The following KIAA1549L variants were observed in gnomAD, a reference collection of about 807,000 sequenced individuals.
The protein encoded by KIAA1549L is KIAA1549 like.
A neutral mutation model predicts 160.7 loss-of-function variants in KIAA1549L; 88 were observed. That is an observed-to-expected ratio of 0.55 (90% CI 0.46 to 0.65). The LOEUF is 0.65. Ranked by LOEUF, KIAA1549L falls within the 30% of genes least tolerant of loss-of-function variation. The probability of loss-of-function intolerance (pLI) is 0.00; values close to 1 mark genes in which losing one functional copy is unlikely to be tolerated. For synonymous variants in KIAA1549L, 950 were observed against 976.7 expected, an observed-to-expected ratio of 0.97 and a Z score of 0.51; for missense variants, 2,258 against 2,437.5, an observed-to-expected ratio of 0.93 and a Z score of 1.55.
intron 10 of KIAA1549L, among the ~76,000 whole-genome samples, chr11:33,580,400 C>T (rs1196297207): frequency 6.6e-6 from 1 of 151,682 alleles, no homozygotes; most frequent in African/African-American, 2.4e-5. Context: ...ACGGAGAAAC[C>T]CCGTCTCTAC....
At chr11:33,551,621 A>G (rs7479704) in intron 5 of KIAA1549L, among the ~76,000 whole-genome samples, 103,514 of 151,842 alleles carry the variant, frequency 0.68, 36,007 homozygotes, top group African/African-American at 0.83. Context: ...GATTCCAGAT[A>G]CCACTGAATG....
intron 18 of KIAA1549L, 64 bp downstream of exon 18, chr11:33,656,173 G>A: frequency 1.6e-6 from 2 of 1,272,104 alleles, no homozygotes; most frequent in Non-Finnish European, 2.3e-6. Context: ...TATGTACCCT[G>A]ACCTGACAAC....
intron 1 of KIAA1549L, among the ~76,000 whole-genome samples, chr11:33,446,217 C>T (rs1009130822): frequency 6.6e-6 from 1 of 151,832 alleles, no homozygotes; most frequent in Non-Finnish European, 1.5e-5. Flanking sequence ...GCCTCAGCCT[C>T]CAGAGTAGCT....
chr11:33,434,855 A>G (rs1851323398), intron 1 of KIAA1549L, among the ~76,000 whole-genome samples: 1 of 152,166 alleles, frequency 6.6e-6, no homozygotes. Context: ...AGTTCCCTGA[A>G]TTTTAGTTAA....
At chr11:33,613,650 C>T (rs1244853554) in intron 15 of KIAA1549L, among the ~76,000 whole-genome samples, 1 of 152,150 alleles carries the variant, frequency 6.6e-6, no homozygotes, top group Admixed American at 6.5e-5. Flanking sequence ...CCCCCATGAT[C>T]CAGTCACCTC....
At position 33,507,078 on chromosome 11, in the gene KIAA1549L, A is replaced by G. The variant is rs1853108614; in HGVS notation, c.239-34724A>G. 2.6e-5 allele frequency among the ~76,000 whole-genome samples: 4 copies of G among 152,296 alleles called. No homozygotes were observed. The South Asian group carries it at 8.3e-4, about 32-fold the overall frequency. On this transcript the variant is annotated intron_variant, in intron 1 of 20. Transcript: ENST00000658780. ...CCAAATTGCTGGTAACCTAAATGGGAACCAGCAAGGTGTAGCAGAAGGAAC... is the reference window on the plus strand; with the variant it reads ...CCAAATTGCTGGTAACCTAAATGGGGACCAGCAAGGTGTAGCAGAAGGAAC...
chr11:33,474,972 G>A (rs1302669747), intron 1 of KIAA1549L, among the ~76,000 whole-genome samples: 1 of 152,220 alleles, frequency 6.6e-6, no homozygotes, highest in Non-Finnish European at 1.5e-5. Flanking sequence ...CAAGGGAATT[G>A]AAAGCCTTGC....
At position 33,542,621 on chromosome 11, in the gene KIAA1549L, A is replaced by G. The variant is rs188597493; in HGVS notation, c.1058A>G (p.His353Arg). The change falls in exon 2 of 21, where the codon CAT (histidine) becomes CGT (arginine). Residue 353 changes from histidine to arginine, a missense_variant. By Grantham distance (29) the His-to-Arg change is conservative (BLOSUM62 0). Coordinates refer to ENST00000658780, the MANE Select transcript of KIAA1549L (RefSeq NM_012194.3). ...TTGAGCCCCATGGCAGAACTGTCCC[A>G]TCCGTCTCCCCCTCCCCCAGCACTT... ...GFLSPMAELS[H>R]PSPPPPALGS... The G allele has an allele frequency of 5.9e-4, 946 of 1,613,876 alleles. 16 individuals are homozygous for G. The East Asian group carries it at 0.016, about 28-fold the overall frequency.
chr11:33,507,511 TG>T (rs1348741743), intron 1 of KIAA1549L, among the ~76,000 whole-genome samples: 2 of 152,190 alleles, frequency 1.3e-5, no homozygotes, highest in African/African-American at 4.8e-5. Flanking sequence ...ACAATGGAAT[TG>T]GAAAGTCCTG....
intron 2 of KIAA1549L, 105 bp from the exon 3 acceptor site, chr11:33,544,660 CAG>C: frequency 7.1e-7 from 1 of 1,416,428 alleles, no homozygotes; most frequent in Non-Finnish European, 9.4e-7. Context: ...GCCCAGATTG[CAG>C]AGACTTCACC....
intron 1 of KIAA1549L, among the ~76,000 whole-genome samples, chr11:33,512,382 A>C (rs544316214): frequency 6.6e-6 from 1 of 152,354 alleles, no homozygotes; most frequent in African/African-American, 2.4e-5. Context: ...GGCAGTAATT[A>C]ATAAATACAC....
chr11:33,526,791 C>A (rs1258671252), intron 1 of KIAA1549L, among the ~76,000 whole-genome samples: 2 of 152,116 alleles, frequency 1.3e-5, no homozygotes, highest in African/African-American at 4.8e-5. Flanking sequence ...AGCAATGGAT[C>A]CAAACCAATA....
intron 1 of KIAA1549L, among the ~76,000 whole-genome samples, chr11:33,492,413 C>T (rs982788312): frequency 6.6e-6 from 1 of 152,120 alleles, no homozygotes; most frequent in African/African-American, 2.4e-5. Flanking sequence ...TCAGTGAGTT[C>T]AGGGTGACCT....
intron 15 of KIAA1549L, among the ~76,000 whole-genome samples, chr11:33,614,578 A>C (rs1417586903): frequency 1.1e-4 from 1 of 9,426 alleles, no homozygotes; most frequent in African/African-American, 9.6e-4. Flanking sequence ...ATATATATAT[A>C]TATATATTTT....
chr11:33,612,501 C>T lies in KIAA1549L; in HGVS notation c.5279+2535C>T, dbSNP rs1220628206. 2.6e-5 allele frequency among the ~76,000 whole-genome samples: 4 copies of T among 152,324 alleles called. No homozygotes were observed. The East Asian group carries it at 7.7e-4, about 29-fold the overall frequency. ...CAAACTCCTGGGCTCAAGCAGTCCT[C>T]CTGCCTTGGCCTTCCAGAGTGCTGG... On this transcript the variant is annotated intron_variant, in intron 15 of 20. Transcript: ENST00000658780.
intron 1 of KIAA1549L, among the ~76,000 whole-genome samples, chr11:33,450,236 T>C (rs189203055): frequency 6.6e-6 from 1 of 152,184 alleles, no homozygotes; most frequent in Non-Finnish European, 1.5e-5. Flanking sequence ...AGTTGGGCTT[T>C]CCATTTAGGT....
intron 3 of KIAA1549L, among the ~76,000 whole-genome samples, chr11:33,546,730 T>C (rs775722988): frequency 3.3e-5 from 5 of 152,210 alleles, no homozygotes; most frequent in Non-Finnish European, 7.3e-5. Context: ...TCCCCTCTTA[T>C]CTGCAGGGGA....
intron 1 of KIAA1549L, among the ~76,000 whole-genome samples, chr11:33,439,724 C>T (rs898698238): frequency 2.0e-5 from 3 of 151,982 alleles, no homozygotes; most frequent in Admixed American, 6.6e-5. Flanking sequence ...CAATTCTATG[C>T]ATCGGGTACA....
intron 1 of KIAA1549L, among the ~76,000 whole-genome samples, chr11:33,487,863 T>C (rs1010851335): frequency 3.3e-5 from 5 of 152,194 alleles, no homozygotes; most frequent in Non-Finnish European, 2.9e-5. Context: ...GAACTTTGTG[T>C]CTTACATGTG....
Sources: allele counts gnomAD v4.1 joint callset (sites outside exome capture counted in the v4.1 genomes callset), GRCh38; gene constraint gnomAD v4.1.1; transcripts MANE v1.5; gene names NCBI Gene and HGNC (gene_info 2026-07-23, HGNC 2026-07-21).